TTC34: variants seen among roughly 807,000 people sequenced by gnomAD.
The protein encoded by TTC34 is tetratricopeptide repeat protein 34.
TTC34 carries 44 observed loss-of-function variants against 40.7 expected under a neutral mutation model. That is an observed-to-expected ratio of 1.08 (90% CI 0.85 to 1.39). The LOEUF (loss-of-function observed/expected upper bound fraction) is 1.39, where lower values mean the gene tolerates loss of function less well. Ranked by LOEUF, TTC34 falls within the 40% of genes most tolerant of loss-of-function variation. The pLI is 0.00. For synonymous variants in TTC34, 422 were observed against 398.6 expected (o/e 1.06, Z -0.70); for missense variants, 884 against 838.0 (o/e 1.05, Z -0.68).
At chr1:2,748,760 C>CA (rs1481410198) in intron 6 of TTC34, among the ~76,000 whole-genome samples, 1 of 27,612 alleles carries the variant, frequency 3.6e-5, no homozygotes, top group Non-Finnish European at 7.1e-5. Flanking sequence ...AGCACCCACA[C>CA]CCCTAGGAGA....
chr1:2,688,614 C>A (rs1218049258), intron 6 of TTC34, among the ~76,000 whole-genome samples: 67 of 138,094 alleles, frequency 4.9e-4, no homozygotes, highest in Non-Finnish European at 8.4e-4. Context: ...CCCACACCCC[C>A]AGGTGCGCAT....
chr1:2,694,631 C>CCCGAGG (rs1640776121), intron 6 of TTC34, among the ~76,000 whole-genome samples: 2 of 80,866 alleles, frequency 2.5e-5, no homozygotes, highest in Admixed American at 1.2e-4. Flanking sequence ...GCACCCACAC[C>CCCGAGG]TCCCGGCGAG....
At chr1:2,664,984 AT>A (rs1241529003) in intron 6 of TTC34, among the ~76,000 whole-genome samples, 10 of 10 alleles carry the variant, frequency 1, 5 homozygotes, top group Non-Finnish European at 1. Context: ...CGAGCATCCG[AT>A]GACCTGGAGC....
In TTC34 at chr1:2,779,237, G is replaced by A. The variant is rs138556996; in HGVS notation, c.2226+4372C>T. On this transcript the variant is annotated intron_variant, in intron 6 of 8. Coordinates refer to ENST00000401095, the Ensembl canonical transcript of TTC34. ...CAATGATGCTATCTATGAATATGGTGTACAAATGTCTCTAAAAGACCCTAC... is the reference window on the plus strand; with the variant it reads ...CAATGATGCTATCTATGAATATGGTATACAAATGTCTCTAAAAGACCCTAC... 2.3e-3 allele frequency among the ~76,000 whole-genome samples: 346 copies of A among 152,238 alleles called. 1 individual carries two copies. Among genetic ancestry groups the A allele is most frequent in the African/African-American group, 8.0e-3 (331 of 41,542 alleles).
intron 6 of TTC34, among the ~76,000 whole-genome samples, chr1:2,750,233 A>C (rs1641270283): frequency 6.6e-6 from 1 of 152,190 alleles, no homozygotes; most frequent in Admixed American, 6.5e-5. Context: ...GGTCTGGAGC[A>C]GCACCCACAC....
chr1:2,685,575 G>A (rs1640295805), intron 6 of TTC34, among the ~76,000 whole-genome samples: 2 of 117,042 alleles, frequency 1.7e-5, no homozygotes, highest in South Asian at 5.7e-4. Flanking sequence ...GCGAGTATCT[G>A]TACGCACAGA....
chr1:2,754,872 T>A (rs1641453845), intron 6 of TTC34, among the ~76,000 whole-genome samples: 1 of 76,888 alleles, frequency 1.3e-5, no homozygotes, highest in African/African-American at 9.3e-5. Context: ...CAGCTGAGCC[T>A]GTGACAGCCT....
At chr1:2,683,900 G>T (rs1198927942) in intron 6 of TTC34, among the ~76,000 whole-genome samples, 1 of 49,938 alleles carries the variant, frequency 2.0e-5, no homozygotes, top group African/African-American at 6.5e-5. Flanking sequence ...GACAGCCTGG[G>T]TCGGCACCCA....
chr1:2,641,431 A>T (rs1225639660), exon 9 of TTC34: 1 of 1,535,006 alleles, frequency 6.5e-7, no homozygotes, highest in East Asian at 2.4e-5. Context: ...TCTTCAGGCC[A>T]CGGTGGTCGG....
intron 6 of TTC34, among the ~76,000 whole-genome samples, chr1:2,652,140 C>T (rs12738268): frequency 0.56 from 836 of 1,498 alleles, 155 homozygotes; most frequent in Admixed American, 0.65. Context: ...GGTGAGCATC[C>T]GACAGCCTGG....
chr1:2,789,754 C>T, exon 3 of TTC34: 2 of 682,030 alleles, frequency 2.9e-6, no homozygotes, highest in South Asian at 6.1e-5. Flanking sequence ...GCAGCAGTCC[C>T]CGGCCGCACA....
chr1:2,800,529 TC>T lies in TTC34; in HGVS notation c.298del (p.Asp100ThrfsTer42). On this transcript the variant is annotated frameshift_variant, in exon 2 of 9. Transcript: ENST00000401095. LOFTEE classifies it high-confidence loss of function. ...CAGGTGCAGGATGGCGGCGGGGTGG[TC>T]CGGGCAGAGGGCGCCGAGGAAGGCA... The T allele has an allele frequency of 2.5e-6, 1 of 398,396 alleles. No individual in the cohort carries two copies. The highest frequency in any genetic ancestry group is 3.6e-5 in the East Asian group (1 of 28,024). The allele number at this position is 398,396 out of a possible 1,614,324, so 24.7% of individuals were successfully genotyped here.
chr1:2,749,520 AGATTCC>A (rs1641248853), intron 6 of TTC34, among the ~76,000 whole-genome samples: 4 of 67,468 alleles, frequency 5.9e-5, no homozygotes, highest in East Asian at 4.7e-4. Flanking sequence ...AGCAGCACCC[AGATTCC>A]CAGGCAAGCA....
intron 6 of TTC34, among the ~76,000 whole-genome samples, chr1:2,686,505 C>T (rs79361386): frequency 1.5e-4 from 6 of 40,310 alleles, no homozygotes; most frequent in Non-Finnish European, 2.2e-4. Context: ...GTGACAGCCT[C>T]GAACAGCACC....
chr1:2,676,969 C>T (rs200041399), intron 6 of TTC34, among the ~76,000 whole-genome samples: 1 of 136,446 alleles, frequency 7.3e-6, no homozygotes, highest in East Asian at 2.1e-4. Flanking sequence ...CACCCTGCAC[C>T]CCCAGGTGAG....
exon 2 of TTC34, chr1:2,800,626 C>T (rs1235147562): frequency 2.3e-5 from 9 of 398,542 alleles, no homozygotes; most frequent in South Asian, 2.5e-4. Context: ...TGGCTGTCCC[C>T]GCGGCACCAG....
intron 6 of TTC34, among the ~76,000 whole-genome samples, chr1:2,682,129 C>T (rs9442450): frequency 1.4e-5 from 2 of 145,768 alleles, no homozygotes; most frequent in South Asian, 2.2e-4. Context: ...ATCTGACAGC[C>T]TGGAACAGCA....
intron 6 of TTC34, among the ~76,000 whole-genome samples, chr1:2,677,794 ATCAC>A (rs2100302836): frequency 0.16 from 473 of 2,918 alleles, 8 homozygotes; most frequent in East Asian, 0.25. Context: ...ATCTGACCGC[ATCAC>A]ATGGCATCCT....
intron 6 of TTC34, among the ~76,000 whole-genome samples, chr1:2,690,428 G>A (rs1040210928): frequency 6.7e-6 from 1 of 148,504 alleles, no homozygotes. Context: ...AACCCCAGGC[G>A]AGCATCTGAC....
Sources: allele counts gnomAD v4.1 joint callset (sites outside exome capture counted in the v4.1 genomes callset), GRCh38; gene constraint gnomAD v4.1.1; transcripts MANE v1.5; gene names NCBI Gene and HGNC (gene_info 2026-07-23, HGNC 2026-07-21).